MALRD1: variants seen among roughly 807,000 people sequenced by gnomAD.
MALRD1 encodes MAM and LDL receptor class A domain containing 1.
In MALRD1, 247 loss-of-function variants were observed where a neutral mutation model predicts 242.1. That is an observed-to-expected ratio of 1.02 (90% confidence interval 0.92 to 1.13). The LOEUF is 1.13. MALRD1 is among the 50% of genes most tolerant of loss of function. MALRD1 has a pLI of 0.00. For missense variants in MALRD1, 2,989 were observed against 2,533.1 expected, an observed-to-expected ratio of 1.18 and a Z score of -3.86; for synonymous variants, 995 against 866.6, an observed-to-expected ratio of 1.15 and a Z score of -2.60.
At chr10:19,055,529 T>C (rs1253820982) in intron 1 of MALRD1, among the ~76,000 whole-genome samples, 2 of 152,208 alleles carry the variant, frequency 1.3e-5, no homozygotes, top group Non-Finnish European at 2.9e-5. Context: ...AGAAGTTTTA[T>C]AGTTTAAGGT....
At chr10:19,646,362 G>A (rs1840655759) in intron 36 of MALRD1, among the ~76,000 whole-genome samples, 2 of 152,152 alleles carry the variant, frequency 1.3e-5, no homozygotes, top group South Asian at 2.1e-4. Flanking sequence ...GCAGCACTTC[G>A]GGAGGCCGAG....
At chr10:19,692,590 C>T (rs763869877) in intron 38 of MALRD1, 36 bp downstream of exon 38, 110 of 1,464,564 alleles carry the variant, frequency 7.5e-5, no homozygotes, top group East Asian at 4.0e-4. Flanking sequence ...TGAAATATAC[C>T]GTAGCAGAAA....
chr10:19,424,811 G>A (rs932172796), intron 28 of MALRD1, among the ~76,000 whole-genome samples: 1 of 152,008 alleles, frequency 6.6e-6, no homozygotes, highest in African/African-American at 2.4e-5. Context: ...ATCCTGACCT[G>A]AATTTGCTTG....
At position 19,394,018 on chromosome 10, in the gene MALRD1, A is replaced by G. The variant is rs141671264; in HGVS notation, c.4845+4409A>G. On this transcript the variant is annotated intron_variant, in intron 28 of 39. Transcript: ENST00000454679. ...AACTGTTGATGTTTTAATCAAGATT[A>G]CTGCATGCTTTAGGGAATTTGAATA... 4.6e-3 allele frequency among the ~76,000 whole-genome samples: 695 copies of G among 152,322 alleles called. 5 individuals carry two copies. The highest frequency in any genetic ancestry group is 0.016 in the South Asian group (78 of 4,826).
intron 21 of MALRD1, among the ~76,000 whole-genome samples, chr10:19,297,699 C>T (rs1008836097): frequency 2.0e-5 from 3 of 150,694 alleles, no homozygotes; most frequent in Non-Finnish European, 4.4e-5. Context: ...ATATTTTATG[C>T]AAGTAACAGG....
intron 26 of MALRD1, among the ~76,000 whole-genome samples, chr10:19,366,711 G>T (rs1422827423): frequency 1.3e-5 from 2 of 152,118 alleles, no homozygotes; most frequent in Non-Finnish European, 2.9e-5. Flanking sequence ...TAGACCTTGT[G>T]CATTAGGCTG....
At chr10:19,526,808 T>C (rs1376102262) in intron 31 of MALRD1, among the ~76,000 whole-genome samples, 2 of 152,180 alleles carry the variant, frequency 1.3e-5, no homozygotes, top group Non-Finnish European at 2.9e-5. Flanking sequence ...ACATTGTGTT[T>C]CATGACATAG....
chr10:19,461,579 G>A (rs1273551951), intron 29 of MALRD1, among the ~76,000 whole-genome samples: 2 of 152,154 alleles, frequency 1.3e-5, no homozygotes, highest in Non-Finnish European at 2.9e-5. Flanking sequence ...TAGGGGCAGT[G>A]GCTCACATCT....
intron 30 of MALRD1, among the ~76,000 whole-genome samples, chr10:19,491,988 G>A (rs990688495): frequency 2.1e-5 from 3 of 141,838 alleles, no homozygotes; most frequent in African/African-American, 7.7e-5. Flanking sequence ...TTTATTGGTT[G>A]TTTTTTTTTT....
chr10:19,183,701 G>A (rs1466511789), intron 14 of MALRD1, among the ~76,000 whole-genome samples: 1 of 152,108 alleles, frequency 6.6e-6, no homozygotes, highest in South Asian at 2.1e-4. Flanking sequence ...GAAAAAAATA[G>A]CAAACATAAA....
chr10:19,502,451 C>G (rs1838019625), intron 31 of MALRD1, among the ~76,000 whole-genome samples: 3 of 152,050 alleles, frequency 2.0e-5, no homozygotes, highest in Admixed American at 2.0e-4. Context: ...AGTGAAGTAT[C>G]TTGCACAGCA....
intron 29 of MALRD1, among the ~76,000 whole-genome samples, chr10:19,474,852 G>A (rs1284495896): frequency 6.6e-6 from 1 of 151,812 alleles, no homozygotes; most frequent in African/African-American, 2.4e-5. Context: ...ATAGAACTAA[G>A]GGTGTAACAG....
At chr10:19,649,286 G>T (rs1840770039) in intron 36 of MALRD1, among the ~76,000 whole-genome samples, 1 of 152,152 alleles carries the variant, frequency 6.6e-6, no homozygotes, top group Admixed American at 6.6e-5. Context: ...TGGTAGTTCT[G>T]CTTTTAGCTC....
At chr10:19,530,371 T>G (rs867753918) in intron 31 of MALRD1, among the ~76,000 whole-genome samples, 1 of 94,656 alleles carries the variant, frequency 1.1e-5, no homozygotes, top group African/African-American at 7.5e-5. Flanking sequence ...ATATAAATAT[T>G]TATATAAATA....
At chr10:19,288,835 G>A (rs1841268037) in intron 21 of MALRD1, among the ~76,000 whole-genome samples, 2 of 152,028 alleles carry the variant, frequency 1.3e-5, no homozygotes, top group African/African-American at 4.8e-5. Flanking sequence ...CTCTGTAGCT[G>A]CTGCTTCAAA....
At chr10:19,389,132 T>C in intron 27 of MALRD1, 1 of 410,106 alleles carries the variant, frequency 2.4e-6, no homozygotes. Flanking sequence ...GTCTTTACAT[T>C]ATTTTACAAT....
rs556506165 is a variant in MALRD1, at chr10:19,647,389, C to T, written c.6137+31466C>T. ...GAAACCAAGGTAGAGGAGCTTACCA[C>T]GCCCAGTCTCCTTGGGAGTACATAG... On this transcript the variant is annotated intron_variant, in intron 36 of 39. Transcript: ENST00000454679. Among the ~76,000 whole-genome samples, 10 of 152,226 alleles carry T rather than the reference C, an allele frequency of 6.6e-5. No individual in the cohort carries two copies. In the South Asian group the frequency reaches 1.0e-3, roughly 16 times the overall value.
chr10:19,281,878 G>A (rs1840829083), intron 20 of MALRD1, among the ~76,000 whole-genome samples: 1 of 148,596 alleles, frequency 6.7e-6, no homozygotes, highest in South Asian at 2.1e-4. Context: ...GGAGGCTGAA[G>A]CAGGACAATT....
intron 36 of MALRD1, among the ~76,000 whole-genome samples, chr10:19,681,858 C>CT (rs56244200): frequency 4.5e-4 from 50 of 111,138 alleles, no homozygotes; most frequent in African/African-American, 1.1e-3. Context: ...GGGAATGTCA[C>CT]TTTTTTTTTT....
Sources: gnomAD v4.1 joint callset for allele counts (sites outside exome capture counted in the v4.1 genomes callset) on GRCh38, gnomAD v4.1.1 for gene constraint, MANE v1.5 for transcripts, NCBI Gene and HGNC (gene_info 2026-07-23, HGNC 2026-07-21) for gene names.